The following IL12RB2 variants were observed in gnomAD, a reference collection of about 807,000 sequenced individuals.
IL12RB2 encodes interleukin 12 receptor subunit beta 2.
IL12RB2 carries 82 observed loss-of-function variants against 89.4 expected under a neutral mutation model. That is an observed-to-expected ratio of 0.92 (90% CI 0.77 to 1.10). The LOEUF is 1.10. IL12RB2 is among the 50% of genes least tolerant of loss of function. The pLI is 0.00. For missense variants in IL12RB2, 963 were observed against 1,031.9 expected, an observed-to-expected ratio of 0.93 and a Z score of 0.92; for synonymous variants, 368 against 370.1, an observed-to-expected ratio of 0.99 and a Z score of 0.07.
At position 67,330,701 on chromosome 1, in the gene IL12RB2, T is replaced by C; in HGVS notation, c.849T>C (p.Asp283=). The change falls in exon 8 of 17, where the codon GAT becomes GAC. Residue 283 remains aspartate (D), a synonymous_variant. Coordinates refer to ENST00000674203, the MANE Select transcript of IL12RB2 (RefSeq NM_001374259.2). ...TKAKGRHDLL[D]LKPFTEYEFQ... is the part of the protein sequence containing the mutation. ...CCAAAGGAAGACATGATTTGCTGGA[T>C]CTGAAACCATTTACAGAATATGAAT... The C allele has an allele frequency of 6.5e-7, 1 of 1,549,732 alleles. No homozygotes were observed. The highest frequency in any genetic ancestry group is 8.9e-7 in the Non-Finnish European group (1 of 1,121,348).
At position 67,359,013 on chromosome 1, in the gene IL12RB2, C is replaced by G. The variant is rs184404317; in HGVS notation, c.1258+7924C>G. Among the ~76,000 whole-genome samples, 3 of 151,804 alleles carry G rather than the reference C, an allele frequency of 2.0e-5. No individual in the cohort carries two copies. The South Asian group carries it at 6.3e-4, about 32-fold the overall frequency. On this transcript the variant is annotated intron_variant, in intron 10 of 16. Transcript: ENST00000674203. ...AAAATTAGCCAGGCATAGTGGTGCA[C>G]GCCTGTAGTTCCAGCTACTCAAGAG...
chr1:67,378,848 CA>C (rs56260019), intron 13 of IL12RB2, among the ~76,000 whole-genome samples: 1,031 of 91,872 alleles, frequency 0.011, 4 homozygotes, highest in African/African-American at 0.04. Flanking sequence ...AGACTCTTCT[CA>C]AAAAAAAAAA....
At position 67,382,692 on chromosome 1, in the gene IL12RB2, C is replaced by CA. The variant is rs148846969; in HGVS notation, c.1855+2570dup. On this transcript the variant is annotated intron_variant, in intron 14 of 16. Transcript: ENST00000674203. ...CTTATCCATTTAGCTGGCTCCTATT[C>CA]ATCCTCCAACTCTACATTTTTTTTT... Among the ~76,000 whole-genome samples the CA allele has an allele frequency of 9.4e-4, 139 of 147,674 alleles. 1 individual carries two copies. The highest frequency in any genetic ancestry group is 3.4e-3 in the African/African-American group (136 of 40,504).
intron 8 of IL12RB2, among the ~76,000 whole-genome samples, chr1:67,331,138 C>A (rs1658024476): frequency 6.6e-6 from 1 of 152,168 alleles, no homozygotes; most frequent in Admixed American, 6.5e-5. Flanking sequence ...TAATTAATCT[C>A]ATTTCTTGTT....
chr1:67,316,939 C>T (rs895905691), intron 2 of IL12RB2, among the ~76,000 whole-genome samples: 16 of 152,126 alleles, frequency 1.1e-4, no homozygotes, highest in African/African-American at 3.9e-4. Flanking sequence ...ATGTTGTTTC[C>T]ATGAGAGCTA....
chr1:67,355,464 A>G (rs1008809130), intron 10 of IL12RB2, among the ~76,000 whole-genome samples: 30 of 151,420 alleles, frequency 2.0e-4, no homozygotes, highest in African/African-American at 7.3e-4. Context: ...TAAACCTACC[A>G]GTCAACTAGT....
intron 9 of IL12RB2, among the ~76,000 whole-genome samples, chr1:67,346,175 C>T (rs1485089075): frequency 6.6e-6 from 1 of 152,132 alleles, no homozygotes; most frequent in Non-Finnish European, 1.5e-5. Context: ...GGGCAAAGTG[C>T]TTAAACTCTC....
intron 10 of IL12RB2, 31 bp from the exon 11 acceptor site, chr1:67,367,794 A>G (rs748968423): frequency 8.0e-7 from 1 of 1,254,790 alleles, no homozygotes; most frequent in South Asian, 1.2e-5. Context: ...CTCTTTTTTT[A>G]TTTTGTTTCT....
At chr1:67,367,121 G>A (rs1395890269) in intron 10 of IL12RB2, among the ~76,000 whole-genome samples, 5 of 152,122 alleles carry the variant, frequency 3.3e-5, no homozygotes, top group Admixed American at 3.3e-4. Flanking sequence ...GGCTGGGCAT[G>A]TTGGCTCATG....
At chr1:67,326,239 A>G (rs116187667) in intron 4 of IL12RB2, among the ~76,000 whole-genome samples, 1,615 of 152,240 alleles carry the variant, frequency 0.011, 23 homozygotes, top group African/African-American at 0.037. Flanking sequence ...AATGGGCATC[A>G]CTCTAAAAGA....
chr1:67,317,446 G>C (rs996530052), intron 2 of IL12RB2, among the ~76,000 whole-genome samples: 7 of 152,274 alleles, frequency 4.6e-5, no homozygotes, highest in Admixed American at 3.3e-4. Context: ...CACCACTTCA[G>C]AGCCAGCAGC....
rs770365124 is a variant in IL12RB2 at position 67,338,776 on chromosome 1, G to A, written c.1038+73G>A. On this transcript the variant is annotated intron_variant, in intron 9 of 16. Transcript: ENST00000674203. Reference sequence around the variant, plus strand: ...CAGAAAAAGACCTATTTGCATAGTGGCTTTTATATGAAGCTTCAATGATTT... The same window carrying A: ...CAGAAAAAGACCTATTTGCATAGTGACTTTTATATGAAGCTTCAATGATTT... 1.3e-4 allele frequency: 102 copies of A among 788,638 alleles called. 1 individual carries two copies. Among genetic ancestry groups the A allele is most frequent in the Middle Eastern group, 2.2e-4 (1 of 4,456 alleles). The allele number at this position is 788,638 out of a possible 1,614,324, so 48.9% of individuals were successfully genotyped here.
intron 14 of IL12RB2, among the ~76,000 whole-genome samples, chr1:67,382,501 G>A (rs1664709945): frequency 1.3e-5 from 2 of 152,062 alleles, no homozygotes; most frequent in South Asian, 2.1e-4. Flanking sequence ...TACTTGCCAG[G>A]TACACATGGT....
intron 15 of IL12RB2, 94 bp from the exon 16 acceptor site, chr1:67,389,935 C>T: frequency 1.3e-6 from 1 of 759,372 alleles, no homozygotes. Flanking sequence ...CATACAAAAG[C>T]AGCCCTTACA....
chr1:67,327,437 G>C (rs1469555199), intron 5 of IL12RB2, among the ~76,000 whole-genome samples: 1 of 152,186 alleles, frequency 6.6e-6, no homozygotes, highest in Non-Finnish European at 1.5e-5. Flanking sequence ...CAAGATCCAA[G>C]TTATAGCTGT....
At position 67,377,449 on chromosome 1, in the gene IL12RB2, T is replaced by C. The variant is rs146571468; in HGVS notation, c.1718-2537T>C. Among the ~76,000 whole-genome samples the C allele has an allele frequency of 4.6e-3, 704 of 152,348 alleles. 3 individuals carry two copies. Among genetic ancestry groups the C allele is most frequent in the Middle Eastern group, 0.01 (3 of 294 alleles). On this transcript the variant is annotated intron_variant, in intron 13 of 16. Coordinates refer to ENST00000674203, the MANE Select transcript of IL12RB2 (RefSeq NM_001374259.2). ...AACTCTCAAGACCCCAAACTCACTA[T>C]GCCAAAAGAAAAGATAAGCTTGGGA... is the stretch of plus-strand genomic sequence containing the variant.
chr1:67,372,303 T>C, intron 11 of IL12RB2, 133 bp from the exon 12 acceptor site: 1 of 730,034 alleles, frequency 1.4e-6, no homozygotes. Flanking sequence ...GTCCAGACTG[T>C]GCTTGAACCA....
chr1:67,336,774 T>C (rs1347758692), intron 8 of IL12RB2, among the ~76,000 whole-genome samples: 2 of 152,200 alleles, frequency 1.3e-5, no homozygotes, highest in Non-Finnish European at 2.9e-5. Context: ...GGCTATGGGC[T>C]CTGGGATAAA....
intron 14 of IL12RB2, among the ~76,000 whole-genome samples, chr1:67,381,765 CA>C (rs61066016): frequency 1.1e-3 from 130 of 123,662 alleles, no homozygotes; most frequent in Admixed American, 1.5e-3. Flanking sequence ...GACTATGTTT[CA>C]AAAAAAAAAA....
Sources: gnomAD v4.1 joint callset for allele counts (sites outside exome capture counted in the v4.1 genomes callset) on GRCh38, gnomAD v4.1.1 for gene constraint, MANE v1.5 for transcripts, NCBI Gene and HGNC (gene_info 2026-07-23, HGNC 2026-07-21) for gene names.